TRPC5: variants seen among roughly 807,000 people sequenced by gnomAD.
TRPC5 encodes the protein short transient receptor potential channel 5.
Under a neutral mutation model 56.5 loss-of-function variants are expected in TRPC5, and 9 were observed. The observed-to-expected ratio is 0.16, with a 90% confidence interval of 0.10 to 0.28. The LOEUF is 0.28. Ranked by LOEUF, TRPC5 falls within the 10% of genes least tolerant of loss-of-function variation. The pLI is 1.00. For missense variants in TRPC5, 469 were observed against 748.9 expected, an observed-to-expected ratio of 0.63 and a Z score of 4.36; for synonymous variants, 282 against 278.5, an observed-to-expected ratio of 1.01 and a Z score of -0.13.
intron 3 of TRPC5, among the ~76,000 whole-genome samples, chrX:111,874,288 A>G (rs952648273): frequency 8.9e-6 from 1 of 112,491 alleles, no homozygotes; most frequent in African/African-American, 3.2e-5. Context: ...GACAAAAGCT[A>G]TAATGAAGTC....
At chrX:112,034,533 T>C (rs942234997) in intron 1 of TRPC5, among the ~76,000 whole-genome samples, 9 of 111,052 alleles carry the variant, frequency 8.1e-5, no homozygotes, top group Non-Finnish European at 1.7e-4. Context: ...TTCTGCATCA[T>C]TTGAGATGAA....
At chrX:111,827,259 C>G (rs1922268011) in intron 7 of TRPC5, among the ~76,000 whole-genome samples, 1 of 111,209 alleles carries the variant, frequency 9.0e-6, no homozygotes, top group African/African-American at 3.3e-5. Flanking sequence ...TTTCAGATCT[C>G]TTTTCTTTTC....
chrX:111,960,913 G>T (rs1203077428), intron 1 of TRPC5, among the ~76,000 whole-genome samples: 2 of 111,447 alleles, frequency 1.8e-5, no homozygotes, highest in African/African-American at 3.3e-5. Context: ...CCAGGTTCAA[G>T]TGATTCTTCT....
intron 6 of TRPC5, among the ~76,000 whole-genome samples, chrX:111,843,075 G>A (rs978380714): frequency 2.0e-4 from 22 of 112,422 alleles, no homozygotes; most frequent in Non-Finnish European, 3.9e-4. Context: ...TGGGAAAAAT[G>A]GGTGAAGGAT....
At chrX:111,950,048 G>A (rs1004324128) in intron 2 of TRPC5, among the ~76,000 whole-genome samples, 3 of 111,516 alleles carry the variant, frequency 2.7e-5, no homozygotes, top group African/African-American at 9.8e-5. Context: ...GAGTTGGCTG[G>A]GCGCGGTGGC....
At chrX:111,800,529 C>G (rs1448972061) in intron 7 of TRPC5, among the ~76,000 whole-genome samples, 1 of 110,806 alleles carries the variant, frequency 9.0e-6, no homozygotes, top group Non-Finnish European at 1.9e-5. Context: ...CTTTGGGAGG[C>G]CAAGGCGGGG....
At chrX:111,966,891 C>T (rs1340339772) in intron 1 of TRPC5, among the ~76,000 whole-genome samples, 1 of 108,719 alleles carries the variant, frequency 9.2e-6, no homozygotes, top group Non-Finnish European at 1.9e-5. Flanking sequence ...TGGGCAAAAA[C>T]TGGAAGCATT....
At chrX:111,966,136 A>T (rs1442865899) in intron 1 of TRPC5, among the ~76,000 whole-genome samples, 2 of 111,778 alleles carry the variant, frequency 1.8e-5, no homozygotes, top group Admixed American at 1.9e-4. Flanking sequence ...ATAAAAAATG[A>T]TAAAGGGGAT....
At chrX:111,786,901 C>T (rs1291540351) in intron 7 of TRPC5, among the ~76,000 whole-genome samples, 1 of 111,496 alleles carries the variant, frequency 9.0e-6, no homozygotes, top group East Asian at 2.8e-4. Flanking sequence ...TACAGGAGCA[C>T]CCAGATTCAT....
At chrX:111,968,931 A>T (rs1174512200) in intron 1 of TRPC5, among the ~76,000 whole-genome samples, 4 of 107,398 alleles carry the variant, frequency 3.7e-5, no homozygotes, top group African/African-American at 1.4e-4. Context: ...CATATGTAAC[A>T]AACCTGCACA....
At chrX:111,849,604 C>CT (rs1350404202) in intron 5 of TRPC5, among the ~76,000 whole-genome samples, 2 of 112,287 alleles carry the variant, frequency 1.8e-5, no homozygotes, top group African/African-American at 3.2e-5. Flanking sequence ...ATGGAGGCAT[C>CT]TCATAGCTAC....
intron 7 of TRPC5, among the ~76,000 whole-genome samples, chrX:111,792,707 C>T (rs1341980951): frequency 8.9e-6 from 1 of 111,880 alleles, no homozygotes; most frequent in Admixed American, 9.5e-5. Flanking sequence ...ACATTTCCAC[C>T]AGGGAATACA....
At chrX:111,859,939 C>G (rs779117573) in intron 3 of TRPC5, among the ~76,000 whole-genome samples, 1 of 113,055 alleles carries the variant, frequency 8.8e-6, no homozygotes, top group Non-Finnish European at 1.9e-5. Context: ...GACGGAGTCT[C>G]GCTCTGTCGC....
At chrX:111,852,272 G>A in intron 5 of TRPC5, 26 bp downstream of exon 5, 1 of 1,198,971 alleles carries the variant, frequency 8.3e-7, no homozygotes. Context: ...CGCTGTGTAG[G>A]AAATATGGCA....
intron 2 of TRPC5, among the ~76,000 whole-genome samples, chrX:111,940,384 A>G (rs1240153381): frequency 8.9e-6 from 1 of 111,824 alleles, no homozygotes; most frequent in African/African-American, 3.3e-5. Flanking sequence ...ACGCACCCTG[A>G]CACGTAAAGC....
intron 7 of TRPC5, among the ~76,000 whole-genome samples, chrX:111,794,199 A>T (rs945760449): frequency 1.8e-5 from 2 of 112,095 alleles, no homozygotes; most frequent in Non-Finnish European, 1.9e-5. Context: ...TATGTGAATT[A>T]TATCTTAGTA....
At chrX:111,971,241 T>G (rs1020890738) in intron 1 of TRPC5, among the ~76,000 whole-genome samples, 2 of 111,877 alleles carry the variant, frequency 1.8e-5, no homozygotes, top group African/African-American at 6.5e-5. Flanking sequence ...TTGGGTTAGA[T>G]ACAGCACCAA....
At chrX:111,854,266 G>A (rs925901517) in intron 3 of TRPC5, among the ~76,000 whole-genome samples, 160 bp from the exon 4 acceptor site, 10 of 111,652 alleles carry the variant, frequency 9.0e-5, no homozygotes, top group Non-Finnish European at 1.7e-4. Flanking sequence ...ATCTAACCCC[G>A]GAGACGGCTC....
intron 1 of TRPC5, among the ~76,000 whole-genome samples, chrX:111,966,042 T>C (rs1319487455): frequency 1.8e-5 from 2 of 111,448 alleles, no homozygotes; most frequent in African/African-American, 3.3e-5. Flanking sequence ...ATCCAGGAGC[T>C]GGTGTTTTGA....
Sources: gnomAD v4.1 joint callset for allele counts (sites outside exome capture counted in the v4.1 genomes callset) on GRCh38, gnomAD v4.1.1 for gene constraint, MANE v1.5 for transcripts, NCBI Gene and HGNC (gene_info 2026-07-23, HGNC 2026-07-21) for gene names.